CADM2: variants seen among roughly 807,000 people sequenced by gnomAD.
The protein encoded by CADM2 is cell adhesion molecule 2, also known as immunoglobulin superfamily member 4D.
CADM2 carries 12 observed loss-of-function variants against 49.8 expected under a neutral mutation model. The ratio of observed to expected loss-of-function variants is 0.24; its 90% CI spans 0.15 to 0.39. CADM2 has a LOEUF of 0.39. Ranked by LOEUF, CADM2 falls within the 10% of genes least tolerant of loss-of-function variation. The probability of loss-of-function intolerance (pLI) is 1.00; values close to 1 mark genes in which losing one functional copy is unlikely to be tolerated. For missense variants in CADM2, 378 were observed against 492.3 expected, an observed-to-expected ratio of 0.77 and a Z score of 2.20; for synonymous variants, 214 against 175.4, an observed-to-expected ratio of 1.22 and a Z score of -1.74.
chr3:84,975,775 T>A (rs2031779904), intron 1 of CADM2, among the ~76,000 whole-genome samples: 1 of 151,866 alleles, frequency 6.6e-6, no homozygotes, highest in African/African-American at 2.4e-5. Flanking sequence ...TTCAAAATGC[T>A]TCCACAGGAT....
intron 7 of CADM2, among the ~76,000 whole-genome samples, chr3:85,936,106 T>A (rs1721162657): frequency 6.6e-6 from 1 of 151,838 alleles, no homozygotes; most frequent in Non-Finnish European, 1.5e-5. Context: ...TCCAGTAAGA[T>A]ATTTTAACCT....
At chr3:86,037,137 G>A (rs548366034) in intron 8 of CADM2, among the ~76,000 whole-genome samples, 1 of 152,056 alleles carries the variant, frequency 6.6e-6, no homozygotes, top group Non-Finnish European at 1.5e-5. Context: ...TCTTGCTAAT[G>A]TATTGCTTTT....
At chr3:85,399,054 G>A (rs956698568) in intron 1 of CADM2, among the ~76,000 whole-genome samples, 2 of 152,116 alleles carry the variant, frequency 1.3e-5, no homozygotes, top group Admixed American at 1.3e-4. Flanking sequence ...TGCTTTTGGT[G>A]TTTTAGACAT....
At chr3:85,047,317 C>T (rs896608845) in intron 1 of CADM2, among the ~76,000 whole-genome samples, 5 of 151,966 alleles carry the variant, frequency 3.3e-5, no homozygotes, top group Non-Finnish European at 5.9e-5. Context: ...TCAGAGAACA[C>T]GGTATAGTGC....
chr3:85,346,424 AAC>A (rs1362000286), intron 1 of CADM2, among the ~76,000 whole-genome samples: 3 of 152,158 alleles, frequency 2.0e-5, no homozygotes, highest in African/African-American at 7.2e-5. Context: ...GCAACATAAA[AAC>A]ACAGATATTT....
intron 1 of CADM2, among the ~76,000 whole-genome samples, chr3:85,466,043 G>A (rs775458715): frequency 8.5e-5 from 13 of 152,068 alleles, no homozygotes; most frequent in Non-Finnish European, 1.5e-4. Flanking sequence ...TGGATAAATC[G>A]TTTTCTGTAT....
intron 1 of CADM2, among the ~76,000 whole-genome samples, chr3:85,241,869 T>C (rs2042538424): frequency 1.3e-5 from 2 of 151,592 alleles, no homozygotes; most frequent in Non-Finnish European, 3.0e-5. Context: ...GGACGCATTT[T>C]ATGCAGAGCT....
chr3:85,753,891 T>G (rs533202845), intron 2 of CADM2, among the ~76,000 whole-genome samples: 1 of 152,228 alleles, frequency 6.6e-6, no homozygotes, highest in South Asian at 2.1e-4. Flanking sequence ...GAAAGTAAAG[T>G]AAACTTGGAA....
intron 1 of CADM2, among the ~76,000 whole-genome samples, chr3:85,068,118 C>A (rs945559242): frequency 2.0e-5 from 3 of 152,166 alleles, no homozygotes; most frequent in Non-Finnish European, 4.4e-5. Context: ...TTTAGAGAAT[C>A]ATTTCCATGT....
intron 1 of CADM2, among the ~76,000 whole-genome samples, chr3:85,360,886 C>T (rs904734304): frequency 6.6e-6 from 1 of 152,188 alleles, no homozygotes; most frequent in Admixed American, 6.5e-5. Flanking sequence ...AGTCATTCTG[C>T]AGCTACAGGG....
intron 1 of CADM2, among the ~76,000 whole-genome samples, chr3:85,111,000 T>A (rs2038437030): frequency 6.6e-6 from 1 of 151,898 alleles, no homozygotes; most frequent in African/African-American, 2.4e-5. Context: ...GTCTTTCCCA[T>A]CTACCTTTTT....
chr3:85,727,762 T>G (rs1485734990), intron 2 of CADM2, among the ~76,000 whole-genome samples: 2 of 152,068 alleles, frequency 1.3e-5, no homozygotes. Context: ...ATATCAGCAC[T>G]GGAATCATCA....
intron 1 of CADM2, among the ~76,000 whole-genome samples, chr3:85,286,634 T>C (rs1001472944): frequency 2.0e-5 from 3 of 152,164 alleles, no homozygotes; most frequent in Non-Finnish European, 4.4e-5. Context: ...CTAGATATAA[T>C]TGACCCAAAC....
At chr3:85,697,042 G>T (rs1367018142) in intron 1 of CADM2, among the ~76,000 whole-genome samples, 1 of 147,994 alleles carries the variant, frequency 6.8e-6, no homozygotes, top group Non-Finnish European at 1.5e-5. Context: ...GCTTCATATT[G>T]CCATAGCACT....
At chr3:85,497,276 C>T (rs1302804077) in intron 1 of CADM2, among the ~76,000 whole-genome samples, 1 of 152,068 alleles carries the variant, frequency 6.6e-6, no homozygotes, top group Non-Finnish European at 1.5e-5. Context: ...TATTTTCTCC[C>T]ATTCTTTTAT....
chr3:85,495,942 A>G (rs780236129), intron 1 of CADM2, among the ~76,000 whole-genome samples: 1 of 152,152 alleles, frequency 6.6e-6, no homozygotes, highest in Non-Finnish European at 1.5e-5. Context: ...TCCAAACCAT[A>G]TCAGTTATTA....
intron 1 of CADM2, among the ~76,000 whole-genome samples, chr3:85,275,780 ATAAG>A (rs1393386065): frequency 1.3e-5 from 2 of 151,262 alleles, no homozygotes; most frequent in African/African-American, 4.8e-5. Context: ...ATATAAAATA[ATAAG>A]TAAATATAAA....
chr3:85,605,240 C>A (rs1327676520), intron 1 of CADM2, among the ~76,000 whole-genome samples: 1 of 152,012 alleles, frequency 6.6e-6, no homozygotes, highest in Non-Finnish European at 1.5e-5. Context: ...AACAAAAGTA[C>A]AACTGAAGGA....
At chr3:85,146,722 T>A (rs1466535068) in intron 1 of CADM2, among the ~76,000 whole-genome samples, 1 of 152,190 alleles carries the variant, frequency 6.6e-6, no homozygotes, top group Non-Finnish European at 1.5e-5. Context: ...AGAGACAGCC[T>A]ATGTGGGATT....
Sources: allele counts gnomAD v4.1 joint callset (sites outside exome capture counted in the v4.1 genomes callset), GRCh38; gene constraint gnomAD v4.1.1; transcripts MANE v1.5; gene names NCBI Gene and HGNC (gene_info 2026-07-23, HGNC 2026-07-21).